Variants in SLC12A6 observed in about 807,000 individuals in gnomAD.
SLC12A6 encodes solute carrier family 12 member 6.
SLC12A6 carries 66 observed loss-of-function variants against 135.3 expected under a neutral mutation model. The observed-to-expected ratio is 0.49, with a 90% CI of 0.40 to 0.60. The LOEUF is 0.60. Among genes scored for constraint, SLC12A6 ranks in the 20% least tolerant of loss-of-function variants. SLC12A6 has a pLI of 0.00. For synonymous variants in SLC12A6, 513 were observed against 508.8 expected, an observed-to-expected ratio of 1.01 and a Z score of -0.11; for missense variants, 1,058 against 1,452.3, an observed-to-expected ratio of 0.73 and a Z score of 4.41.
At chr15:34,262,575 G>A (rs1893221056) in intron 3 of SLC12A6, among the ~76,000 whole-genome samples, 1 of 152,190 alleles carries the variant, frequency 6.6e-6, no homozygotes, top group South Asian at 2.1e-4. Flanking sequence ...CAGCGGGCGG[G>A]AGCAGGGGCG....
chr15:34,230,068 T>TAAAC lies in SLC12A6; in HGVS notation c.*3809_*3812dup, dbSNP rs1890822869. The stretch of plus-strand genomic sequence containing the variant: ...ACAACAACAAAAAAACATAACTATG[T>TAAAC]AAACAAGAGAATAACTGCTGCTAAA... On this transcript the variant is annotated 3_prime_UTR_variant, in exon 26 of 26. Coordinates refer to ENST00000354181, the MANE Select transcript of SLC12A6 (RefSeq NM_001365088.1). 1 of 425,574 alleles carries TAAAC rather than the reference T, an allele frequency of 2.3e-6. No individual in the cohort carries two copies. Among genetic ancestry groups the TAAAC allele is most frequent in the South Asian group, 5.0e-5 (1 of 20,024 alleles). The allele number at this position is 425,574 out of a possible 1,614,324, so 26.4% of individuals were successfully genotyped here.
intron 3 of SLC12A6, among the ~76,000 whole-genome samples, chr15:34,268,173 T>C (rs1311262082): frequency 2.0e-5 from 3 of 152,238 alleles, no homozygotes; most frequent in Non-Finnish European, 2.9e-5. Context: ...GAGACAATCC[T>C]GTCCCATTCT....
Position 34,336,556 on chromosome 15 carries a change from C to A in SLC12A6, c.125G>T (p.Arg42Leu). 1 of 1,614,078 alleles carries A rather than the reference C, an allele frequency of 6.2e-7. No individual in the cohort carries two copies. Among genetic ancestry groups the A allele is most frequent in the Non-Finnish European group, 8.5e-7 (1 of 1,180,000 alleles). ...SPDLSSRSSSRVRFSSRESVP... is the reference protein window; with the variant it reads ...SPDLSSRSSSLVRFSSRESVP... ...GCTTTCCCGGGAGCTAAATCTTACTCGGGAACTAGATCGAGAGCTGAGGTC... is the reference window on the plus strand; with the variant it reads ...GCTTTCCCGGGAGCTAAATCTTACTAGGGAACTAGATCGAGAGCTGAGGTC... The change falls in exon 2 of 26, where the codon CGA (arginine) becomes CTA (leucine). Residue 42 changes from arginine to leucine, a missense_variant. Arg to Leu is a moderately radical substitution (Grantham distance 102). Coordinates refer to ENST00000354181, the MANE Select transcript of SLC12A6 (RefSeq NM_001365088.1).
In SLC12A6 at chr15:34,284,283, T is replaced by TC. The variant is rs199900957; in HGVS notation, c.272-8895_272-8894insG. ...TACTTTCTTTGTTTCTTTTCTTTTT[T>TC]TTTTTTTTTTTTTTTTTGAGACGGA... On this transcript the variant is annotated intron_variant, in intron 2 of 25. Transcript: ENST00000354181. Among the ~76,000 whole-genome samples, 103 of 130,630 alleles carry TC rather than the reference T, an allele frequency of 7.9e-4. 1 individual carries two copies. The highest frequency in any genetic ancestry group is 1.3e-3 in the South Asian group (5 of 3,912). The allele number at this position is 130,630 out of a possible 152,430, so 85.7% of individuals were successfully genotyped here.
At chr15:34,304,494 C>T (rs776004028) in intron 2 of SLC12A6, among the ~76,000 whole-genome samples, 1 of 152,198 alleles carries the variant, frequency 6.6e-6, no homozygotes, top group South Asian at 2.1e-4. Flanking sequence ...TACTATTTTA[C>T]ATTGTCACTA....
At chr15:34,251,729 C>A (rs1214020947) in intron 10 of SLC12A6, among the ~76,000 whole-genome samples, 2 of 152,084 alleles carry the variant, frequency 1.3e-5, no homozygotes, top group Non-Finnish European at 2.9e-5. Context: ...TGTAAACTTA[C>A]TTATGTGCAA....
chr15:34,278,460 G>A (rs1313572965), intron 2 of SLC12A6, among the ~76,000 whole-genome samples: 3 of 152,182 alleles, frequency 2.0e-5, no homozygotes, highest in African/African-American at 4.8e-5. Context: ...CCTCTATTGT[G>A]TAATATACTT....
chr15:34,254,161 G>T (rs1892583797), intron 9 of SLC12A6, among the ~76,000 whole-genome samples, 187 bp downstream of exon 9: 1 of 152,214 alleles, frequency 6.6e-6, no homozygotes, highest in Non-Finnish European at 1.5e-5. Context: ...ACATAAGAAA[G>T]AGGATGAACG....
At chr15:34,327,514 C>T (rs976969655) in intron 2 of SLC12A6, among the ~76,000 whole-genome samples, 1 of 151,990 alleles carries the variant, frequency 6.6e-6, no homozygotes, top group Non-Finnish European at 1.5e-5. Context: ...AAAAATCAAC[C>T]GGGCATGGTG....
intron 9 of SLC12A6, 76 bp downstream of exon 9, chr15:34,254,272 C>G: frequency 1.1e-5 from 15 of 1,427,606 alleles, no homozygotes; most frequent in Non-Finnish European, 1.4e-5. Context: ...GAAATTCTGA[C>G]TTAAAATTAT....
chr15:34,277,582 T>A (rs548201075), intron 2 of SLC12A6, among the ~76,000 whole-genome samples: 1 of 152,134 alleles, frequency 6.6e-6, no homozygotes, highest in African/African-American at 2.4e-5. Flanking sequence ...GAAACAAGCA[T>A]GTAGCTGGCA....
At chr15:34,275,203 G>C (rs577877652) in intron 3 of SLC12A6, 142 bp downstream of exon 3, 160 of 558,808 alleles carry the variant, frequency 2.9e-4, no homozygotes, top group Admixed American at 4.1e-4. Flanking sequence ...GTTGGGAATA[G>C]AAACAGCAGG....
At chr15:34,335,504 A>C (rs1298820029) in intron 2 of SLC12A6, among the ~76,000 whole-genome samples, 1 of 152,252 alleles carries the variant, frequency 6.6e-6, no homozygotes, top group African/African-American at 2.4e-5. Flanking sequence ...TTTTATCATT[A>C]AAAGATTACA....
In SLC12A6 at chr15:34,230,082, ACTG is replaced by A. The variant is rs1327169987; in HGVS notation, c.*3796_*3798del. The A allele has an allele frequency of 1.3e-5, 5 of 391,088 alleles. No homozygotes were observed. Among genetic ancestry groups the A allele is most frequent in the Non-Finnish European group, 2.3e-5 (5 of 220,086 alleles). 24.2% of individuals were successfully genotyped at this position (391,088 alleles called of 1,614,324 possible). The stretch of plus-strand genomic sequence containing the variant: ...ACATAACTATGTAAACAAGAGAATA[ACTG>A]CTGCTAAATCAAGAACTGTTGCAGC... On this transcript the variant is annotated 3_prime_UTR_variant, in exon 26 of 26. Transcript: ENST00000354181.
intron 24 of SLC12A6, among the ~76,000 whole-genome samples, chr15:34,235,529 G>C (rs1368263644): frequency 6.8e-6 from 1 of 147,506 alleles, no homozygotes; most frequent in Non-Finnish European, 1.5e-5. Flanking sequence ...CCGCCTCCCA[G>C]GTTCAAGTGA....
chr15:34,319,461 T>C (rs1245271264), intron 2 of SLC12A6, among the ~76,000 whole-genome samples: 1 of 151,988 alleles, frequency 6.6e-6, no homozygotes, highest in African/African-American at 2.4e-5. Flanking sequence ...TTCATTTTTA[T>C]ACTGTCCTCT....
chr15:34,242,296 C>A (rs1891696123), intron 16 of SLC12A6, 75 bp from the exon 17 acceptor site: 6 of 1,061,462 alleles, frequency 5.7e-6, no homozygotes, highest in South Asian at 5.2e-5. Context: ...GCTTCTCAAA[C>A]TATCTGTGGT....
rs1891071373 is a variant in SLC12A6, at chr15:34,233,642, C to A, written c.*239G>T. 2.0e-6 allele frequency: 1 copy of A among 492,120 alleles called. No homozygotes were observed. The highest frequency in any genetic ancestry group is 3.7e-6 in the Non-Finnish European group (1 of 269,370). 30.5% of individuals were successfully genotyped at this position (492,120 alleles called of 1,614,324 possible). ...TTTGCCTTTGACTGCTCAGACGTGG[C>A]TTGAAAGACTTGAGCATTGTTCTGA... is the stretch of plus-strand genomic sequence containing the variant. On this transcript the variant is annotated 3_prime_UTR_variant, in exon 26 of 26. Transcript: ENST00000354181.
intron 2 of SLC12A6, among the ~76,000 whole-genome samples, chr15:34,304,073 C>T (rs1896436891): frequency 6.6e-6 from 1 of 152,194 alleles, no homozygotes. Context: ...CCCCATCTCA[C>T]TCTCCCCAAC....
Sources: allele counts gnomAD v4.1 joint callset (sites outside exome capture counted in the v4.1 genomes callset), GRCh38; gene constraint gnomAD v4.1.1; transcripts MANE v1.5; gene names NCBI Gene and HGNC (gene_info 2026-07-23, HGNC 2026-07-21).